Variants in AGA observed in about 807,000 individuals in gnomAD.
AGA encodes the protein aspartylglucosaminidase.
A neutral mutation model predicts 40.1 loss-of-function variants in AGA; 31 were observed. The observed-to-expected ratio is 0.77, with a 90% CI of 0.58 to 1.04. The LOEUF (loss-of-function observed/expected upper bound fraction) is 1.04. Among genes scored for constraint, AGA ranks in the 50% least tolerant of loss-of-function variants. The pLI, the probability that AGA is intolerant of heterozygous loss-of-function variation, is 0.00. For missense variants in AGA, 445 were observed against 435.4 expected (o/e 1.02, Z -0.20); for synonymous variants, 148 against 144.0 (o/e 1.03, Z -0.20).
intron 6 of AGA, 62 bp downstream of exon 6, chr4:177,436,214 C>A (rs1329917593): frequency 8.0e-6 from 11 of 1,380,650 alleles, no homozygotes; most frequent in Non-Finnish European, 1.1e-5. Flanking sequence ...CCATAGCACC[C>A]GGCATATATT....
chr4:177,437,412 G>A lies in AGA; in HGVS notation c.615C>T (p.Asp205=), dbSNP rs1736858973. 6.2e-7 allele frequency: 1 copy of A among 1,607,110 alleles called. No homozygotes were observed. ...GCACAAAAGGCAAATTACCAATAGT[G>A]TCATGACCACGATCATCTTCTGTTT... ...HKETEDDRGH[D]TIGMVVIHKT... Residue 205 remains aspartate (D), a synonymous_variant, in exon 5 of 9, where the codon GAC becomes GAT. Coordinates refer to ENST00000264595, the MANE Select transcript of AGA (RefSeq NM_000027.4).
chr4:177,441,025 G>T (rs1014214673), intron 1 of AGA, among the ~76,000 whole-genome samples: 4 of 152,112 alleles, frequency 2.6e-5, no homozygotes, highest in Admixed American at 2.6e-4. Context: ...GTTAGTTTAA[G>T]GTCACACAGC....
rs1737057243 is a variant in AGA, at chr4:177,442,262, AT to A, written c.113del (p.Asn38MetfsTer10). On this transcript the variant is annotated frameshift_variant, in exon 1 of 9. Coordinates refer to ENST00000264595, the MANE Select transcript of AGA (RefSeq NM_000027.4). LOFTEE classifies it high-confidence loss of function. ...GCCAACCCGCACCTGCTTCGGTTGC[AT>A]TCTTAAAGGGCCAAGTGTTGACGAC... Reference protein sequence around the residue: ...PLVVNTWPFKNATEAAWRALA... With the variant: ...PLVVNTWPFKXATEAAWRALA... 1 of 1,613,838 alleles carries A rather than the reference AT, an allele frequency of 6.2e-7. No homozygotes were observed. Among genetic ancestry groups the A allele is most frequent in the South Asian group, 1.1e-5 (1 of 91,092 alleles).
At chr4:177,442,112 G>A (rs1033758523) in intron 1 of AGA, 137 bp downstream of exon 1, 12 of 1,297,770 alleles carry the variant, frequency 9.2e-6, no homozygotes, top group East Asian at 2.5e-5. Context: ...GGAAGACCTA[G>A]AGGGCGGGAC....
At chr4:177,437,594 T>C (rs1387665219) in intron 4 of AGA, 75 bp from the exon 5 acceptor site, 10 of 1,023,310 alleles carry the variant, frequency 9.8e-6, no homozygotes, top group Non-Finnish European at 1.5e-5. Context: ...GTACAATCGC[T>C]AAACACTAGC....
intron 5 of AGA, 50 bp downstream of exon 5, chr4:177,437,355 A>C: frequency 1.6e-6 from 2 of 1,256,070 alleles, no homozygotes; most frequent in Non-Finnish European, 2.3e-6. Context: ...AGCTACAGGA[A>C]GATAATTAAC....
intron 4 of AGA, 80 bp from the exon 5 acceptor site, chr4:177,437,599 A>G: frequency 2.1e-6 from 2 of 973,936 alleles, no homozygotes; most frequent in Admixed American, 4.0e-5. Flanking sequence ...ATCGCTAAAC[A>G]CTAGCAAGAA....
chr4:177,441,906 C>T (rs1165932122), intron 1 of AGA, among the ~76,000 whole-genome samples: 1 of 152,146 alleles, frequency 6.6e-6, no homozygotes, highest in Admixed American at 6.5e-5. Context: ...GTACACAGCC[C>T]GTGAAAAGAC....
chr4:177,431,405 A>G lies in AGA; in HGVS notation c.*303T>C. 2.3e-6 allele frequency: 1 copy of G among 437,912 alleles called. No individual in the cohort carries two copies. Among genetic ancestry groups the G allele is most frequent in the East Asian group, 5.9e-5 (1 of 16,838 alleles). The allele number at this position is 437,912 out of a possible 1,614,324, so 27.1% of individuals were successfully genotyped here. On this transcript the variant is annotated 3_prime_UTR_variant, in exon 9 of 9. Coordinates refer to ENST00000264595, the MANE Select transcript of AGA (RefSeq NM_000027.4). ...TTGGGTTTAATATATCACTGTGGAAATAAATCTCAAAGTAGCAATTTTTTG... is the reference window on the plus strand; with the variant it reads ...TTGGGTTTAATATATCACTGTGGAAGTAAATCTCAAAGTAGCAATTTTTTG...
chr4:177,440,919 T>C (rs1736983384), intron 1 of AGA, among the ~76,000 whole-genome samples: 1 of 152,162 alleles, frequency 6.6e-6, no homozygotes, highest in South Asian at 2.1e-4. Context: ...TTCATATGGA[T>C]TAGTTCATTG....
intron 5 of AGA, chr4:177,437,191 G>T (rs866533538): frequency 3.6e-5 from 18 of 505,468 alleles, no homozygotes; most frequent in African/African-American, 3.3e-4. Context: ...TTAAAAATCC[G>T]CAAGTGAATA....
chr4:177,435,675 A>G (rs184765675), intron 6 of AGA, among the ~76,000 whole-genome samples: 16 of 151,930 alleles, frequency 1.1e-4, no homozygotes, highest in Non-Finnish European at 2.1e-4. Context: ...TTATCTTCCA[A>G]TACCACTTCC....
intron 4 of AGA, among the ~76,000 whole-genome samples, chr4:177,437,848 A>C (rs972439871): frequency 9.2e-5 from 14 of 152,298 alleles, no homozygotes; most frequent in African/African-American, 3.1e-4. Flanking sequence ...TTAATCCTTA[A>C]AGAAATTAGA....
At position 177,439,595 on chromosome 4, in the gene AGA, T is replaced by C; in HGVS notation, c.375A>G (p.Thr125=). ...AAATACCTGACTCTCCTACTAAAAG[T>C]GTGTGTGTTGTATGTTCCAGTACTT... The part of the protein sequence containing the change: ...ARKVLEHTTH[T]LLVGESATTF... The change falls in exon 3 of 9, where the codon ACA becomes ACG. Residue 125 remains threonine (T), a synonymous_variant. Coordinates refer to ENST00000264595, the MANE Select transcript of AGA (RefSeq NM_000027.4). The C allele has an allele frequency of 3.1e-6, 5 of 1,612,734 alleles. No individual in the cohort carries two copies. Among genetic ancestry groups the C allele is most frequent in the Non-Finnish European group, 4.2e-6 (5 of 1,178,768 alleles).
At chr4:177,439,949 G>C (rs200685522) in intron 2 of AGA, 2 of 585,538 alleles carry the variant, frequency 3.4e-6, no homozygotes, top group African/African-American at 1.9e-5. Context: ...TATGGCTTTT[G>C]AAAGGGGCCT....
At chr4:177,435,836 T>C (rs1384188289) in intron 6 of AGA, among the ~76,000 whole-genome samples, 1 of 103,776 alleles carries the variant, frequency 9.6e-6, no homozygotes, top group South Asian at 3.9e-4. Context: ...TCCAAGCCAG[T>C]AGTTCTGCGT....
In AGA at chr4:177,442,411, C is replaced by G. The variant is rs746130532; in HGVS notation, c.-36G>C. 5 of 1,613,560 alleles carry G rather than the reference C, an allele frequency of 3.1e-6. No individual in the cohort carries two copies. In the East Asian group the frequency reaches 1.1e-4, roughly 36 times the overall value. On this transcript the variant is annotated 5_prime_UTR_variant, in exon 1 of 9. Coordinates refer to ENST00000264595, the MANE Select transcript of AGA (RefSeq NM_000027.4). ...CGAAGAGACCAGCGCGAGAAAAGTC[C>G]CGGCAGCCAGCGATCGCCGAACAAT... is the stretch of plus-strand genomic sequence containing the variant.
At chr4:177,437,068 A>ACC (rs1736847220) in intron 5 of AGA, 12 of 313,362 alleles carry the variant, frequency 3.8e-5, no homozygotes, top group South Asian at 3.6e-4. Context: ...CGAAAAACAA[A>ACC]CTAAGACATA....
chr4:177,440,116 TCAG>T, intron 2 of AGA, 154 bp downstream of exon 2: 68 of 853,918 alleles, frequency 8.0e-5, no homozygotes, highest in Admixed American at 2.9e-4. Flanking sequence ...TTTTTTTTTT[TCAG>T]TTGAGAGGGA....
Sources: allele counts gnomAD v4.1 joint callset (sites outside exome capture counted in the v4.1 genomes callset), GRCh38; gene constraint gnomAD v4.1.1; transcripts MANE v1.5; gene names NCBI Gene and HGNC (gene_info 2026-07-23, HGNC 2026-07-21).